SLC14A2: variants seen among roughly 807,000 people sequenced by gnomAD.
SLC14A2 encodes solute carrier family 14 member 2.
Under a neutral mutation model 104.6 loss-of-function variants are expected in SLC14A2, and 91 were observed. The observed-to-expected ratio is 0.87, with a 90% confidence interval of 0.73 to 1.04. The LOEUF (loss-of-function observed/expected upper bound fraction) is 1.04, where lower values mean the gene tolerates loss of function less well. Ranked by LOEUF, SLC14A2 falls within the 50% of genes least tolerant of loss-of-function variation. The pLI is 0.00. For missense variants in SLC14A2, 1,189 were observed against 1,156.0 expected, an observed-to-expected ratio of 1.03 and a Z score of -0.41; for synonymous variants, 476 against 466.4, an observed-to-expected ratio of 1.02 and a Z score of -0.27.
chr18:45,193,293 C>G, the SLC14A2 span, among the ~76,000 whole-genome samples: 1 of 152,074 alleles, frequency 6.6e-6, no homozygotes. Context: ...GATGTTATAC[C>G]TAAGAAATTA....
At chr18:45,539,950 T>C (rs1052828052) in intron 2 of SLC14A2, among the ~76,000 whole-genome samples, 4 of 151,442 alleles carry the variant, frequency 2.6e-5, no homozygotes, top group Non-Finnish European at 4.4e-5. Flanking sequence ...GTGTTTAAAA[T>C]ACTGTATGTG....
exon 2 of SLC14A2, chr18:45,483,274 T>G (rs984956352): frequency 6.6e-6 from 1 of 152,232 alleles, no homozygotes; most frequent in Non-Finnish European, 1.5e-5. Context: ...TAAGTAGAGA[T>G]TCATAAGACC....
intron 2 of SLC14A2, among the ~76,000 whole-genome samples, chr18:45,484,721 A>G (rs2087565739): frequency 6.6e-6 from 1 of 152,076 alleles, no homozygotes; most frequent in Admixed American, 6.6e-5. Flanking sequence ...CTTTCAAACT[A>G]ACTCACTGTC....
At chr18:45,177,266 G>A in the SLC14A2 span, among the ~76,000 whole-genome samples, 3 of 151,952 alleles carry the variant, frequency 2.0e-5, no homozygotes, top group Non-Finnish European at 4.4e-5. Context: ...AACTGTGTCC[G>A]TGGTTGACAC....
intron 1 of SLC14A2, among the ~76,000 whole-genome samples, chr18:45,440,184 A>C (rs1202602594): frequency 6.6e-6 from 1 of 151,798 alleles, no homozygotes; most frequent in African/African-American, 2.4e-5. Context: ...GAACCTTGCT[A>C]TGCAAACACT....
chr18:45,504,606 T>G (rs2043253122), intron 2 of SLC14A2, among the ~76,000 whole-genome samples: 1 of 152,216 alleles, frequency 6.6e-6, no homozygotes, highest in Admixed American at 6.5e-5. Context: ...TGGTCAGTAA[T>G]AGTGACCATT....
Position 45,671,468 on chromosome 18 carries a change from CA to C in SLC14A2, c.2230-1431del, listed in dbSNP as rs1168690510. Among the ~76,000 whole-genome samples the C allele has an allele frequency of 2.6e-5, 4 of 152,240 alleles. No homozygotes were observed. In the East Asian group the frequency reaches 7.7e-4, roughly 29 times the overall value. On this transcript the variant is annotated intron_variant, in intron 16 of 19. Transcript: ENST00000255226. ...TTTCAGAGGGATTGTCTAAACTTCC[CA>C]GCAATGTTGAGTCCCCACGGCTTCC... is the stretch of plus-strand genomic sequence containing the variant.
chr18:45,635,136 T>C (rs1406375651), intron 5 of SLC14A2, among the ~76,000 whole-genome samples: 5 of 152,212 alleles, frequency 3.3e-5, no homozygotes, highest in African/African-American at 7.2e-5. Flanking sequence ...GGAGACAGGA[T>C]ACAAATCAAG....
intron 10 of SLC14A2, among the ~76,000 whole-genome samples, chr18:45,644,805 T>C (rs1256602518): frequency 6.6e-6 from 1 of 152,234 alleles, no homozygotes; most frequent in East Asian, 1.9e-4. Flanking sequence ...GACTTTATTA[T>C]GGAGGATAAG....
chr18:45,502,112 A>T (rs948098809), intron 2 of SLC14A2, among the ~76,000 whole-genome samples: 1 of 152,152 alleles, frequency 6.6e-6, no homozygotes, highest in African/African-American at 2.4e-5. Context: ...TCCCATAGTG[A>T]CTTTAGTGTG....
chr18:45,492,936 T>C (rs766220825), intron 2 of SLC14A2: 11 of 152,258 alleles, frequency 7.2e-5, no homozygotes, highest in Non-Finnish European at 1.2e-4. Context: ...GTCTACTCGC[T>C]CTCTTTCCCT....
At chr18:45,502,923 T>C (rs913998652) in intron 2 of SLC14A2, among the ~76,000 whole-genome samples, 2 of 152,050 alleles carry the variant, frequency 1.3e-5, no homozygotes, top group African/African-American at 4.8e-5. Flanking sequence ...CTGGTTTTTT[T>C]TTTTTAAGGA....
intron 1 of SLC14A2, among the ~76,000 whole-genome samples, chr18:45,389,993 A>G (rs1851593291): frequency 6.6e-6 from 1 of 152,248 alleles, no homozygotes; most frequent in Non-Finnish European, 1.5e-5. Flanking sequence ...ACTGCTCCAA[A>G]TAAATAAAAT....
intron 1 of SLC14A2, among the ~76,000 whole-genome samples, chr18:45,430,082 T>C (rs1233354926): frequency 6.6e-6 from 1 of 152,234 alleles, no homozygotes; most frequent in Non-Finnish European, 1.5e-5. Flanking sequence ...GGTGGGTCTT[T>C]CTTGGCAACT....
the SLC14A2 span, among the ~76,000 whole-genome samples, chr18:45,178,747 G>A: frequency 6.6e-6 from 1 of 152,018 alleles, no homozygotes; most frequent in Non-Finnish European, 1.5e-5. Context: ...CTACAAATAA[G>A]AAAACCAAGG....
chr18:45,334,689 T>A (rs1013901358), intron 1 of SLC14A2, among the ~76,000 whole-genome samples: 2 of 152,204 alleles, frequency 1.3e-5, no homozygotes, highest in Admixed American at 1.3e-4. Context: ...AGGTTAAAAA[T>A]TTTTGCTCCT....
At position 45,663,851 on chromosome 18, in the gene SLC14A2, CCAAG is replaced by C; in HGVS notation, c.1421_1424del (p.Lys474ThrfsTer56). 2 of 1,613,128 alleles carry C rather than the reference CCAAG, an allele frequency of 1.2e-6. No individual in the cohort carries two copies. The highest frequency in any genetic ancestry group is 1.7e-6 in the Non-Finnish European group (2 of 1,179,622). ...GAGGAGGGCTCGGAGGCTGTGCTCT[CCAAG>C]CACAGGAGTGTATTTCACATCGAGT... is the stretch of plus-strand genomic sequence containing the variant. On this transcript the variant is annotated frameshift_variant, in exon 11 of 20. Transcript: ENST00000255226. LOFTEE classifies it high-confidence loss of function.
At chr18:45,548,143 G>T (rs957877146) in intron 2 of SLC14A2, among the ~76,000 whole-genome samples, 2 of 152,186 alleles carry the variant, frequency 1.3e-5, no homozygotes, top group Admixed American at 1.3e-4. Flanking sequence ...GCCGTGAAGT[G>T]AATGTAGGGA....
chr18:45,353,698 G>T (rs1026225078), intron 1 of SLC14A2, among the ~76,000 whole-genome samples: 12 of 152,146 alleles, frequency 7.9e-5, no homozygotes, highest in Admixed American at 7.9e-4. Flanking sequence ...GATCCCTAGG[G>T]CTGGTGCGTT....
Sources: allele counts gnomAD v4.1 joint callset (sites outside exome capture counted in the v4.1 genomes callset), GRCh38; gene constraint gnomAD v4.1.1; transcripts MANE v1.5; gene names NCBI Gene and HGNC (gene_info 2026-07-23, HGNC 2026-07-21).